Variants in PATJ observed in about 807,000 individuals in gnomAD.
The protein encoded by PATJ is inaD-like protein.
A neutral mutation model predicts 224.9 loss-of-function variants in PATJ; 190 were observed. The ratio of observed to expected loss-of-function variants is 0.84; its 90% CI spans 0.75 to 0.95. PATJ has a LOEUF of 0.95. PATJ is among the 40% of genes least tolerant of loss of function. The pLI, the probability that PATJ is intolerant of heterozygous loss-of-function variation, is 0.00. For synonymous variants in PATJ, 769 were observed against 820.3 expected (o/e 0.94, Z 1.07); for missense variants, 2,121 against 2,270.3 (o/e 0.93, Z 1.34).
chr1:61,990,270 A>T lies in PATJ; in HGVS notation c.3773A>T (p.Asp1258Val). 1.9e-6 allele frequency: 3 copies of T among 1,614,072 alleles called. No homozygotes were observed. Among genetic ancestry groups the T allele is most frequent in the Non-Finnish European group, 2.5e-6 (3 of 1,179,940 alleles). ...GGACTCAGCCTTGCTGGTAATAAAGACCGATCACGCATGAGCATATTTGTG... is the reference window on the plus strand; with the variant it reads ...GGACTCAGCCTTGCTGGTAATAAAGTCCGATCACGCATGAGCATATTTGTG... ...GLGLSLAGNK[D>V]RSRMSIFVVG... is the part of the protein sequence containing the mutation. Residue 1258 changes from aspartate (D) to valine (V), a missense_variant, in exon 28 of 44, where the codon GAC becomes GTC. Physicochemically the swap from Asp to Val is radical, Grantham distance 152. Coordinates refer to ENST00000642238, the MANE Select transcript of PATJ (RefSeq NM_001350145.3).
chr1:61,763,337 A>G (rs965987256), intron 3 of PATJ, among the ~76,000 whole-genome samples, 158 bp downstream of exon 3: 6 of 152,188 alleles, frequency 3.9e-5, no homozygotes, highest in African/African-American at 1.4e-4. Flanking sequence ...TGTGGGTAGC[A>G]TTGGCATAGA....
At chr1:61,976,653 C>T (rs933913280) in intron 27 of PATJ, among the ~76,000 whole-genome samples, 3 of 151,966 alleles carry the variant, frequency 2.0e-5, no homozygotes, top group Non-Finnish European at 4.4e-5. Flanking sequence ...GGTAATCCAC[C>T]CACCTCAGCC....
rs1682131055 is a variant in PATJ, at chr1:61,966,301, A to G, written c.3671-23867A>G. ...CTTTATTTTTGAATGGTAATCTGTT[A>G]GGGTCATAGTGTTACTGGAAAGGGG... is the stretch of plus-strand genomic sequence containing the variant. On this transcript the variant is annotated intron_variant, in intron 27 of 43. Transcript: ENST00000642238. 2.6e-5 allele frequency among the ~76,000 whole-genome samples: 4 copies of G among 152,174 alleles called. 1 individual carries two copies. In the South Asian group the frequency reaches 8.3e-4, roughly 32 times the overall value.
rs1040331993 is a variant in PATJ at position 62,144,797 on chromosome 1, A to T, written c.5272-3487A>T. ...AAAAAAATATATATATATATATATA[A>T]TTAGCAGAATACAAAGTGCCATTAT... On this transcript the variant is annotated intron_variant, in intron 41 of 43. Transcript: ENST00000642238. 2.1e-4 allele frequency among the ~76,000 whole-genome samples: 23 copies of T among 107,704 alleles called. No individual in the cohort carries two copies. In the East Asian group the frequency reaches 0.01, roughly 49 times the overall value. The allele number at this position is 107,704 out of a possible 152,430, so 70.7% of individuals were successfully genotyped here.
At chr1:62,142,347 C>T (rs1437933118) in intron 41 of PATJ, among the ~76,000 whole-genome samples, 3 of 148,064 alleles carry the variant, frequency 2.0e-5, no homozygotes, top group Admixed American at 6.8e-5. Flanking sequence ...TGCCTTGTTA[C>T]TTTTTTTTTT....
In PATJ at chr1:62,163,021, C is replaced by A; in HGVS notation, c.*1967C>A. On this transcript the variant is annotated 3_prime_UTR_variant, in exon 44 of 44. Coordinates refer to ENST00000642238, the MANE Select transcript of PATJ (RefSeq NM_001350145.3). The stretch of plus-strand genomic sequence containing the variant: ...GTAGTTCAGCATTATTTAACTACAA[C>A]ACAATGCTGCAAATATTTCACAGTA... The A allele has an allele frequency of 3.9e-6, 1 of 255,438 alleles. No homozygotes were observed. The highest frequency in any genetic ancestry group is 8.1e-6 in the Non-Finnish European group (1 of 123,484). The allele number at this position is 255,438 out of a possible 1,614,324, so 15.8% of individuals were successfully genotyped here. A position where few individuals can be genotyped will look rare whatever the true frequency, so the allele number is the denominator to read the frequency against.
chr1:61,887,793 A>G (rs1405012938), intron 22 of PATJ, among the ~76,000 whole-genome samples: 1 of 152,220 alleles, frequency 6.6e-6, no homozygotes, highest in East Asian at 1.9e-4. Context: ...CATTATGAGT[A>G]GGGAGATAAG....
chr1:61,983,786 A>G (rs1644581481), intron 27 of PATJ, among the ~76,000 whole-genome samples: 1 of 152,054 alleles, frequency 6.6e-6, no homozygotes, highest in African/African-American at 2.4e-5. Flanking sequence ...CGAAGGAAAT[A>G]AGGAATCTAA....
rs574119810 is a variant in PATJ, at chr1:61,929,786, G to A, written c.3670+1957G>A. Among the ~76,000 whole-genome samples the A allele has an allele frequency of 3.3e-5, 5 of 152,250 alleles. No homozygotes were observed. The South Asian group carries it at 6.2e-4, about 19-fold the overall frequency. Reference sequence around the variant, plus strand: ...TGTAATTCCAGCACTTTGGGAGGCCGAGGCAGACGGCTTACCTGAAGTCAG... The same window carrying A: ...TGTAATTCCAGCACTTTGGGAGGCCAAGGCAGACGGCTTACCTGAAGTCAG... On this transcript the variant is annotated intron_variant, in intron 27 of 43. Transcript: ENST00000642238.
At chr1:62,134,420 G>A (rs144722081) in intron 41 of PATJ, among the ~76,000 whole-genome samples, 2 of 146,402 alleles carry the variant, frequency 1.4e-5, no homozygotes. Flanking sequence ...ATCCTGGCTC[G>A]CTGCAACTTC....
intron 1 of PATJ, among the ~76,000 whole-genome samples, chr1:61,744,645 C>A (rs1447506974): frequency 6.6e-6 from 1 of 152,288 alleles, no homozygotes; most frequent in African/African-American, 2.4e-5. Context: ...GCTCTCACAC[C>A]ACTACAGTCA....
chr1:62,155,125 A>G (rs1482517917), intron 43 of PATJ, among the ~76,000 whole-genome samples: 1 of 152,228 alleles, frequency 6.6e-6, no homozygotes, highest in East Asian at 1.9e-4. Context: ...TGAAATAGCC[A>G]GCTATGTAGA....
intron 26 of PATJ, among the ~76,000 whole-genome samples, chr1:61,917,723 A>T (rs1557873801): frequency 6.6e-6 from 1 of 152,122 alleles, no homozygotes; most frequent in Admixed American, 6.6e-5. Context: ...CGGTAGGAGC[A>T]TGTGTTCTTT....
At chr1:62,114,556 A>G (rs893617031) in intron 35 of PATJ, 1 of 232,374 alleles carries the variant, frequency 4.3e-6, no homozygotes, top group African/African-American at 2.3e-5. Context: ...TAAAGCAACC[A>G]TACCCAAGAA....
intron 1 of PATJ, among the ~76,000 whole-genome samples, chr1:61,744,247 A>T (rs1644905988): frequency 7.3e-6 from 1 of 136,792 alleles, no homozygotes; most frequent in Non-Finnish European, 1.5e-5. Context: ...TTGCACCACT[A>T]CACTCCAGCC....
intron 41 of PATJ, among the ~76,000 whole-genome samples, chr1:62,144,788 A>ATATATATATATATATATATATATAT: frequency 6.9e-6 from 1 of 144,912 alleles, no homozygotes; most frequent in South Asian, 2.2e-4. Flanking sequence ...ATATATATAT[A>ATATATATATATATATATATATATAT]TATATATAAT....
At chr1:61,911,639 T>A (rs915812607) in intron 25 of PATJ, among the ~76,000 whole-genome samples, 12 of 150,664 alleles carry the variant, frequency 8.0e-5, no homozygotes, top group Non-Finnish European at 1.5e-4. Context: ...GTAAGGTAAT[T>A]TTTTCCACTT....
intron 1 of PATJ, among the ~76,000 whole-genome samples, chr1:61,751,999 G>C (rs555697036): frequency 7.9e-4 from 120 of 151,828 alleles, no homozygotes; most frequent in African/African-American, 2.6e-3. Context: ...TTAGCCCAGC[G>C]TGGTGGGTCA....
At chr1:61,902,025 G>A (rs1182611904) in intron 24 of PATJ, among the ~76,000 whole-genome samples, 4 of 152,034 alleles carry the variant, frequency 2.6e-5, no homozygotes, top group Admixed American at 6.6e-5. Context: ...GAGTTTGAGA[G>A]TAGCTTGGCC....
Sources: allele counts gnomAD v4.1 joint callset (sites outside exome capture counted in the v4.1 genomes callset), GRCh38; gene constraint gnomAD v4.1.1; transcripts MANE v1.5; gene names NCBI Gene and HGNC (gene_info 2026-07-23, HGNC 2026-07-21).